The following PLBD2 variants were observed in gnomAD, a reference collection of about 807,000 sequenced individuals.
PLBD2 encodes phospholipase B domain containing 2.
In PLBD2, 51 loss-of-function variants were observed where a neutral mutation model predicts 68.3. The ratio of observed to expected loss-of-function variants is 0.75; its 90% CI spans 0.60 to 0.94. The LOEUF is 0.94. Among genes scored for constraint, PLBD2 ranks in the 40% least tolerant of loss-of-function variants. PLBD2 has a pLI of 0.00. For synonymous variants in PLBD2, 314 were observed against 339.3 expected, an observed-to-expected ratio of 0.93 and a Z score of 0.82; for missense variants, 729 against 792.2, an observed-to-expected ratio of 0.92 and a Z score of 0.96.
chr12:113,385,174 T>C, intron 8 of PLBD2, 38 bp from the exon 9 acceptor site: 1 of 1,607,502 alleles, frequency 6.2e-7, no homozygotes, highest in South Asian at 1.1e-5. Context: ...GAGCCCCTTT[T>C]CTGATCACCT....
intron 5 of PLBD2, chr12:113,376,905 G>A (rs1431772517): frequency 1.3e-5 from 2 of 152,308 alleles, no homozygotes; most frequent in African/African-American, 4.8e-5. Context: ...CAGCCCCAGG[G>A]ATACCACTGC....
chr12:113,373,805 A>G (rs1249675900), intron 3 of PLBD2, among the ~76,000 whole-genome samples: 1 of 144,832 alleles, frequency 6.9e-6, no homozygotes, highest in Non-Finnish European at 1.5e-5. Context: ...CCATTCATCT[A>G]TCCATTCACA....
rs183718103 is a variant in PLBD2 at position 113,358,784 on chromosome 12, C to A, written c.184C>A (p.Arg62Ser). ...DGQVPPASRSRSVLLDVSAGQ... is the reference protein window; with the variant it reads ...DGQVPPASRSSSVLLDVSAGQ... ...GCAGGTCCCTCCAGCCTCCCGCAGC[C>A]GCTCGGTGCTCCTGGACGTCTCGGC... The change falls in exon 1 of 12, where the codon CGC (arginine) becomes AGC (serine). Residue 62 changes from arginine (R) to serine (S), a missense_variant. Physicochemically the swap from Arg to Ser is moderately radical, Grantham distance 110 (BLOSUM62 -1). Coordinates refer to ENST00000280800, the MANE Select transcript of PLBD2 (RefSeq NM_173542.4). The A allele has an allele frequency of 4.1e-5, 60 of 1,456,370 alleles. No homozygotes were observed. The African/African-American group carries it at 6.7e-4, about 16-fold the overall frequency. 90.2% of individuals were successfully genotyped at this position (1,456,370 alleles called of 1,614,324 possible).
intron 5 of PLBD2, chr12:113,376,810 T>A (rs1373072493): frequency 1.3e-5 from 2 of 152,214 alleles, no homozygotes; most frequent in Non-Finnish European, 2.9e-5. Context: ...GTGCAAGACC[T>A]TGTCTCTAAT....
At position 113,388,568 on chromosome 12, in the gene PLBD2, T is replaced by C; in HGVS notation, c.1712T>C (p.Leu571Pro). 1 of 1,610,920 alleles carries C rather than the reference T, an allele frequency of 6.2e-7. No homozygotes were observed. The highest frequency in any genetic ancestry group is 1.7e-5 in the Admixed American group (1 of 59,588). The change falls in exon 12 of 12, where the codon CTG becomes CCG. Residue 571 changes from leucine to proline, a missense_variant. By Grantham distance (98) the Leu-to-Pro change is moderately conservative. Transcript: ENST00000280800. ...QWSTSPFSGL[L>P]HMGQPDLWKF... is the part of the protein sequence containing the mutation. ...AGCACCTCGCCCTTCAGCGGCCTGC[T>C]GCACATGGGCCAGCCAGACCTCTGG...
chr12:113,384,550 C>T lies in PLBD2; in HGVS notation c.1118+285C>T, dbSNP rs560609006. 2.6e-5 allele frequency among the ~76,000 whole-genome samples: 4 copies of T among 152,110 alleles called. No individual in the cohort carries two copies. The highest frequency in any genetic ancestry group is 4.2e-4 in the South Asian group (2 of 4,814). ...GGGGAGGGCTGTTTGAGGAGGTGGA[C>T]GTGGGTGGGTGGCAGGGCCTGTGAG... is the stretch of plus-strand genomic sequence containing the variant. On this transcript the variant is annotated intron_variant, in intron 7 of 11. Coordinates refer to ENST00000280800, the MANE Select transcript of PLBD2 (RefSeq NM_173542.4). This position sits in a 1 kb window ranked among gnomAD's most constrained non-coding sequence, Gnocchi z 4.2.
intron 9 of PLBD2, 63 bp downstream of exon 9, chr12:113,385,346 G>C (rs1957541539): frequency 4.1e-6 from 6 of 1,451,822 alleles, no homozygotes; most frequent in Non-Finnish European, 4.8e-6. Context: ...TCCTTGCCCA[G>C]CTCCTTCCTA....
intron 11 of PLBD2, 151 bp from the exon 12 acceptor site, chr12:113,388,308 C>G: frequency 1.3e-6 from 1 of 773,030 alleles, no homozygotes; most frequent in East Asian, 2.9e-5. Flanking sequence ...CGTCACTGCA[C>G]TCCAACCTGG....
At chr12:113,382,154 G>A (rs540270295) in intron 6 of PLBD2, among the ~76,000 whole-genome samples, 55 of 152,266 alleles carry the variant, frequency 3.6e-4, no homozygotes, top group African/African-American at 1.3e-3. Flanking sequence ...AAACCAAAAT[G>A]TATAGGATTA....
At chr12:113,373,572 CCATCCATCCATG>C (rs1957408737) in intron 3 of PLBD2, among the ~76,000 whole-genome samples, 1 of 152,028 alleles carries the variant, frequency 6.6e-6, no homozygotes, top group South Asian at 2.1e-4. Flanking sequence ...ATCCACCCAT[CCATCCATCCATG>C]CATCCATCCA....
intron 6 of PLBD2, among the ~76,000 whole-genome samples, chr12:113,381,379 G>A (rs1244588664): frequency 6.6e-6 from 1 of 151,856 alleles, no homozygotes; most frequent in African/African-American, 2.4e-5. Context: ...TCCTGGCTGC[G>A]GTCCAGACTT....
intron 1 of PLBD2, among the ~76,000 whole-genome samples, chr12:113,362,998 G>A (rs367990931): frequency 1.4e-5 from 2 of 147,350 alleles, no homozygotes; most frequent in African/African-American, 5.0e-5. Context: ...GTTTCACCAT[G>A]TTGGCCAGGC....
intron 3 of PLBD2, 51 bp from the exon 4 acceptor site, chr12:113,374,423 G>A (rs1035644519): frequency 8.0e-7 from 1 of 1,249,118 alleles, no homozygotes; most frequent in East Asian, 2.5e-5. Flanking sequence ...GAGAAGGTGT[G>A]AGCCTGGAGG....
intron 11 of PLBD2, 108 bp downstream of exon 11, chr12:113,388,014 G>C (rs1190753418): frequency 7.2e-7 from 1 of 1,385,484 alleles, no homozygotes; most frequent in Non-Finnish European, 1.0e-6. Flanking sequence ...AGGAATCACA[G>C]TCGGAATTGG....
chr12:113,366,172 T>C (rs1957340449), intron 1 of PLBD2, among the ~76,000 whole-genome samples: 1 of 152,190 alleles, frequency 6.6e-6, no homozygotes, highest in Non-Finnish European at 1.5e-5. Context: ...GTCCTGGAAG[T>C]GTTCGATGGC....
At chr12:113,388,336 C>CAAAA in intron 11 of PLBD2, 123 bp from the exon 12 acceptor site, 2 of 812,980 alleles carry the variant, frequency 2.5e-6, no homozygotes, top group South Asian at 2.2e-5. Flanking sequence ...AGCAGAGACT[C>CAAAA]AAAAAAAAAA....
At chr12:113,362,021 C>A (rs1236164286) in intron 1 of PLBD2, among the ~76,000 whole-genome samples, 1 of 152,120 alleles carries the variant, frequency 6.6e-6, no homozygotes, top group Non-Finnish European at 1.5e-5. Flanking sequence ...TTTCTTTGAA[C>A]AATCACAGGA....
At chr12:113,383,275 G>A (rs528782878) in intron 6 of PLBD2, among the ~76,000 whole-genome samples, 1 of 152,206 alleles carries the variant, frequency 6.6e-6, no homozygotes, top group East Asian at 1.9e-4. Flanking sequence ...GTGGGAAAGG[G>A]GTGGGAATGG....
intron 5 of PLBD2, among the ~76,000 whole-genome samples, chr12:113,378,688 T>C (rs1417536894): frequency 6.6e-6 from 1 of 151,652 alleles, no homozygotes; most frequent in Middle Eastern, 3.4e-3. Context: ...CTTTCCTTTT[T>C]TTTTTTTTTT....
Sources: gnomAD v4.1 joint callset for allele counts (sites outside exome capture counted in the v4.1 genomes callset) on GRCh38, gnomAD v4.1.1 for gene constraint, Gnocchi (gnomAD v3.1) non-coding constraint, MANE v1.5 for transcripts, NCBI Gene and HGNC (gene_info 2026-07-23, HGNC 2026-07-21) for gene names.